CHSY3: variants seen among roughly 807,000 people sequenced by gnomAD.
CHSY3 encodes the protein chondroitin sulfate synthase 3.
In CHSY3, 35 loss-of-function variants were observed where a neutral mutation model predicts 67.2. The ratio of observed to expected loss-of-function variants is 0.52; its 90% CI spans 0.40 to 0.69. The LOEUF (loss-of-function observed/expected upper bound fraction) is 0.69, where lower values mean the gene tolerates loss of function less well. CHSY3 is among the 30% of genes least tolerant of loss of function. The pLI, the probability that CHSY3 is intolerant of heterozygous loss-of-function variation, is 0.00. For synonymous variants in CHSY3, 474 were observed against 434.7 expected, an observed-to-expected ratio of 1.09 and a Z score of -1.12; for missense variants, 1,069 against 1,138.5, an observed-to-expected ratio of 0.94 and a Z score of 0.88.
chr5:129,909,288 G>A (rs554774550), intron 2 of CHSY3, among the ~76,000 whole-genome samples: 2 of 152,040 alleles, frequency 1.3e-5, no homozygotes, highest in Admixed American at 6.6e-5. Flanking sequence ...TTTTAGCTAC[G>A]GAGTGCACAG....
At chr5:130,118,390 A>G (rs1489952705) in intron 2 of CHSY3, among the ~76,000 whole-genome samples, 1 of 152,166 alleles carries the variant, frequency 6.6e-6, no homozygotes, top group Non-Finnish European at 1.5e-5. Context: ...GGTTATTCTA[A>G]GTAAGCAACT....
At chr5:130,028,354 A>C (rs1336427079) in intron 2 of CHSY3, among the ~76,000 whole-genome samples, 1 of 152,048 alleles carries the variant, frequency 6.6e-6, no homozygotes, top group South Asian at 2.1e-4. Flanking sequence ...GAAAAATACC[A>C]CACATCTACA....
chr5:129,938,589 A>G (rs1761588383), intron 2 of CHSY3, among the ~76,000 whole-genome samples: 1 of 152,138 alleles, frequency 6.6e-6, no homozygotes, highest in South Asian at 2.1e-4. Context: ...CTGTGTAGAA[A>G]TTTCTTCTGC....
intron 2 of CHSY3, among the ~76,000 whole-genome samples, chr5:129,924,004 TCA>T (rs1250548174): frequency 1.3e-5 from 2 of 152,156 alleles, no homozygotes; most frequent in Non-Finnish European, 2.9e-5. Flanking sequence ...ATAAATTGTA[TCA>T]CAGCCATAGA....
intron 2 of CHSY3, among the ~76,000 whole-genome samples, chr5:129,911,973 G>A (rs565911063): frequency 3.3e-5 from 5 of 152,130 alleles, no homozygotes; most frequent in African/African-American, 1.2e-4. Flanking sequence ...GGAGAATGGC[G>A]TGAACCCGGG....
chr5:129,951,572 CAT>C (rs1487329350), intron 2 of CHSY3, among the ~76,000 whole-genome samples: 1 of 152,112 alleles, frequency 6.6e-6, no homozygotes, highest in Non-Finnish European at 1.5e-5. Context: ...TTAAGCAACA[CAT>C]GTCATCTTTC....
At chr5:130,147,971 C>A (rs1319450216) in intron 2 of CHSY3, among the ~76,000 whole-genome samples, 5 of 152,044 alleles carry the variant, frequency 3.3e-5, no homozygotes, top group Non-Finnish European at 5.9e-5. Context: ...ACCACAACAA[C>A]CATGGTTATT....
chr5:130,178,681 C>T (rs1231748782), intron 2 of CHSY3, among the ~76,000 whole-genome samples: 1 of 152,082 alleles, frequency 6.6e-6, no homozygotes, highest in Non-Finnish European at 1.5e-5. Context: ...CCTTAATAAA[C>T]TGCTCAAGAT....
At chr5:130,137,598 C>G (rs1437616853) in intron 2 of CHSY3, among the ~76,000 whole-genome samples, 2 of 152,148 alleles carry the variant, frequency 1.3e-5, no homozygotes, top group Non-Finnish European at 2.9e-5. Flanking sequence ...AAAACATATA[C>G]TCTCATTTAT....
intron 2 of CHSY3, among the ~76,000 whole-genome samples, chr5:130,019,576 A>T (rs192139306): frequency 9.9e-5 from 15 of 152,182 alleles, no homozygotes; most frequent in Admixed American, 6.5e-4. Context: ...TTTCCCACCT[A>T]ATTAGTCTGC....
In CHSY3 at chr5:130,023,486, A is replaced by T. The variant is rs1459925509; in HGVS notation, c.1086+115126A>T. On this transcript the variant is annotated intron_variant, in intron 2 of 2. Coordinates refer to ENST00000305031, the MANE Select transcript of CHSY3 (RefSeq NM_175856.5). ...AAGAATAATAATACATGACAATATA[A>T]TGGGAAAGAAATTTCATAAATGTTT... 6.6e-5 allele frequency among the ~76,000 whole-genome samples: 10 copies of T among 152,178 alleles called. No homozygotes were observed. The East Asian group carries it at 1.4e-3, about 21-fold the overall frequency.
At chr5:129,908,857 T>C (rs540310604) in intron 2 of CHSY3, among the ~76,000 whole-genome samples, 2 of 152,268 alleles carry the variant, frequency 1.3e-5, no homozygotes, top group South Asian at 4.1e-4. Context: ...TTTTTAAAAG[T>C]ATCAGAAAAG....
chr5:129,951,279 G>A (rs1468867772), intron 2 of CHSY3, among the ~76,000 whole-genome samples: 1 of 152,038 alleles, frequency 6.6e-6, no homozygotes, highest in Non-Finnish European at 1.5e-5. Context: ...TAAATCCTAA[G>A]CCATAAAACT....
intron 2 of CHSY3, among the ~76,000 whole-genome samples, chr5:130,118,678 C>T (rs1767905776): frequency 6.6e-6 from 1 of 151,906 alleles, no homozygotes; most frequent in South Asian, 2.1e-4. Context: ...TTCCTTTTTC[C>T]ACATGTAACC....
chr5:129,982,226 T>A (rs1763039222), intron 2 of CHSY3, among the ~76,000 whole-genome samples: 2 of 152,078 alleles, frequency 1.3e-5, no homozygotes, highest in Non-Finnish European at 2.9e-5. Flanking sequence ...CAGTCTTCAC[T>A]GATTCTTGTC....
chr5:130,111,952 T>C (rs556093646), intron 2 of CHSY3, among the ~76,000 whole-genome samples: 1 of 152,262 alleles, frequency 6.6e-6, no homozygotes, highest in East Asian at 1.9e-4. Flanking sequence ...ATCATGTTTA[T>C]GAGGAATACA....
chr5:130,090,581 A>C (rs367728802), intron 2 of CHSY3, among the ~76,000 whole-genome samples: 142 of 152,298 alleles, frequency 9.3e-4, no homozygotes, highest in African/African-American at 3.2e-3. Flanking sequence ...CTGATAATTT[A>C]AACATTTTTA....
chr5:130,023,876 T>C (rs899265086), intron 2 of CHSY3, among the ~76,000 whole-genome samples: 1 of 151,894 alleles, frequency 6.6e-6, no homozygotes, highest in Non-Finnish European at 1.5e-5. Flanking sequence ...TACACAGCAT[T>C]ATAGCACATA....
At position 130,122,960 on chromosome 5, in the gene CHSY3, G is replaced by T. The variant is rs140963847; in HGVS notation, c.1087-61269G>T. Among the ~76,000 whole-genome samples the T allele has an allele frequency of 6.2e-3, 936 of 152,134 alleles. 10 individuals are homozygous for T. The highest frequency in any genetic ancestry group is 0.022 in the African/African-American group (906 of 41,486). ...ATTGACCATATGGCAAAGTTTTAGTGATACTAGGTATTTCTCATCTTTACA... is the reference window on the plus strand; with the variant it reads ...ATTGACCATATGGCAAAGTTTTAGTTATACTAGGTATTTCTCATCTTTACA... On this transcript the variant is annotated intron_variant, in intron 2 of 2. Transcript: ENST00000305031.
Sources: gnomAD v4.1 joint callset for allele counts (sites outside exome capture counted in the v4.1 genomes callset) on GRCh38, gnomAD v4.1.1 for gene constraint, MANE v1.5 for transcripts, NCBI Gene and HGNC (gene_info 2026-07-23, HGNC 2026-07-21) for gene names.